HS1BP3: variants seen among roughly 807,000 people sequenced by gnomAD.
HS1BP3 encodes HCLS1-binding protein 3.
HS1BP3 carries 32 observed loss-of-function variants against 33.5 expected under a neutral mutation model. The observed-to-expected ratio is 0.95, with a 90% CI of 0.72 to 1.28. The LOEUF (loss-of-function observed/expected upper bound fraction) is 1.28. HS1BP3 is among the 50% of genes most tolerant of loss of function. The pLI is 0.00. For missense variants in HS1BP3, 486 were observed against 502.3 expected (o/e 0.97, Z 0.31); for synonymous variants, 187 against 209.2 (o/e 0.89, Z 0.92).
chr2:20,580,309 A>G (rs893792039), intron 5 of HS1BP3, among the ~76,000 whole-genome samples: 6 of 152,246 alleles, frequency 3.9e-5, no homozygotes, highest in African/African-American at 1.4e-4. Context: ...GCCTCAGCTC[A>G]GAAGTTCGAG....
chr2:20,618,058 C>T lies in HS1BP3; in HGVS notation c.*929G>A, dbSNP rs1694472684. On this transcript the variant is annotated 3_prime_UTR_variant, in exon 7 of 7. Transcript: ENST00000304031. ...GCAGAAGCCTGAGAGAATCATGCCC[C>T]ACTGGCAGTGGGAGGCGGTGCAGGC... The T allele has an allele frequency of 6.6e-6, 1 of 152,462 alleles. No individual in the cohort carries two copies. Among genetic ancestry groups the T allele is most frequent in the South Asian group, 2.1e-4 (1 of 4,836 alleles). The allele number at this position is 152,462 out of a possible 1,614,324, so 9.4% of individuals were successfully genotyped here.
chr2:20,557,805 C>A (rs553625715), downstream of HS1BP3, among the ~76,000 whole-genome samples: 158 of 152,302 alleles, frequency 1.0e-3, no homozygotes, highest in African/African-American at 3.7e-3. Flanking sequence ...GAATGCAGAA[C>A]CCTGCAGGGG....
chr2:20,622,615 C>G (rs1267182885), intron 6 of HS1BP3: 1 of 297,090 alleles, frequency 3.4e-6, no homozygotes, highest in Non-Finnish European at 6.8e-6. Context: ...CTGCAGAACA[C>G]AGGTTGGGAA....
intron 4 of HS1BP3, among the ~76,000 whole-genome samples, chr2:20,627,185 A>G (rs72782400): frequency 0.048 from 7,366 of 152,150 alleles, 194 homozygotes; most frequent in Middle Eastern, 0.085. Flanking sequence ...AAGGGTGGAG[A>G]GCCACCCCGG....
chr2:20,560,918 G>C (rs182551815), intron 5 of HS1BP3, among the ~76,000 whole-genome samples: 24 of 152,222 alleles, frequency 1.6e-4, no homozygotes, highest in African/African-American at 5.8e-4. Context: ...TGAGAAAGAA[G>C]AGGAAGGGAA....
At chr2:20,627,486 G>A (rs1002139922) in intron 4 of HS1BP3, among the ~76,000 whole-genome samples, 3 of 152,204 alleles carry the variant, frequency 2.0e-5, no homozygotes, top group African/African-American at 7.2e-5. Flanking sequence ...GAGAAGCCGT[G>A]GTGCCCCTTC....
intron 2 of HS1BP3, 88 bp from the exon 3 acceptor site, chr2:20,641,268 G>T: frequency 1.6e-6 from 2 of 1,228,052 alleles, no homozygotes; most frequent in South Asian, 1.3e-5. Context: ...CCAAGGCCCA[G>T]CAGCCAAAGG....
chr2:20,613,514 C>T (rs576986526), downstream of HS1BP3, among the ~76,000 whole-genome samples: 10 of 152,184 alleles, frequency 6.6e-5, no homozygotes, highest in Admixed American at 2.6e-4. Flanking sequence ...AAGGAAGGAA[C>T]GCCGCTGCCC....
chr2:20,594,646 G>A (rs973011159), intron 3 of HS1BP3, among the ~76,000 whole-genome samples: 1 of 152,206 alleles, frequency 6.6e-6, no homozygotes, highest in East Asian at 1.9e-4. Context: ...TCTGAGACTC[G>A]CTGGAAGTGA....
intron 5 of HS1BP3, among the ~76,000 whole-genome samples, chr2:20,584,858 C>T (rs762179434): frequency 6.6e-6 from 1 of 152,174 alleles, no homozygotes; most frequent in Non-Finnish European, 1.5e-5. Context: ...GTGGTGACCT[C>T]TGGAGTCGCT....
At position 20,623,906 on chromosome 2, in the gene HS1BP3, C is replaced by T; in HGVS notation, c.910G>A (p.Glu304Lys). The T allele has an allele frequency of 6.2e-7, 1 of 1,612,146 alleles. No individual in the cohort carries two copies. Among genetic ancestry groups the T allele is most frequent in the South Asian group, 1.1e-5 (1 of 90,922 alleles). ...GGGGACAGGTGGTACCTGAACAGTT[C>T]CTTGGAGGCGTCCCTGTGGCTGAGG... The part of the protein sequence containing the change: ...PSLSHRDASK[E>K]LFRVEEDLDQ... The change falls in exon 6 of 7, where the codon GAA becomes AAA. Residue 304 changes from glutamate to lysine, a missense_variant. Physicochemically the swap from Glu to Lys is moderately conservative, Grantham distance 56. Coordinates refer to ENST00000304031, the MANE Select transcript of HS1BP3 (RefSeq NM_022460.4).
intron 1 of HS1BP3, among the ~76,000 whole-genome samples, chr2:20,648,757 GCTGCCTGA>G (rs1173751142): frequency 2.0e-5 from 3 of 152,166 alleles, no homozygotes; most frequent in Non-Finnish European, 4.4e-5. Context: ...TCCAGCTGCA[GCTGCCTGA>G]CATCCCCACT....
At chr2:20,581,860 T>C (rs1693541498) in intron 5 of HS1BP3, among the ~76,000 whole-genome samples, 1 of 152,210 alleles carries the variant, frequency 6.6e-6, no homozygotes, top group Admixed American at 6.5e-5. Context: ...CTGCTAGTTG[T>C]AGGCCAATTT....
chr2:20,599,817 C>T (rs898313931), intron 2 of HS1BP3, among the ~76,000 whole-genome samples: 2 of 152,154 alleles, frequency 1.3e-5, no homozygotes, highest in African/African-American at 4.8e-5. Context: ...GCTCCTGTGC[C>T]TCAGTTTCCC....
chr2:20,621,907 G>A (rs1046572473), intron 6 of HS1BP3, among the ~76,000 whole-genome samples: 2 of 152,208 alleles, frequency 1.3e-5, no homozygotes, highest in Non-Finnish European at 2.9e-5. Flanking sequence ...ACTAGCGCAA[G>A]GTCCAGCTCT....
At chr2:20,563,353 C>G (rs915715005) in intron 5 of HS1BP3, among the ~76,000 whole-genome samples, 2 of 152,240 alleles carry the variant, frequency 1.3e-5, no homozygotes, top group African/African-American at 4.8e-5. Flanking sequence ...GGCCACTGCA[C>G]AGTGTTGCCT....
At chr2:20,581,419 G>A (rs563865829) in intron 5 of HS1BP3, among the ~76,000 whole-genome samples, 12 of 152,212 alleles carry the variant, frequency 7.9e-5, no homozygotes, top group Admixed American at 6.5e-4. Flanking sequence ...GTGTGATCTT[G>A]GTTCACTGCA....
At chr2:20,610,018 G>A (rs1694286013) in intron 2 of HS1BP3, among the ~76,000 whole-genome samples, 1 of 152,178 alleles carries the variant, frequency 6.6e-6, no homozygotes, top group African/African-American at 2.4e-5. Context: ...TACTTCATGA[G>A]CTTCCTCCCT....
intron 2 of HS1BP3, among the ~76,000 whole-genome samples, chr2:20,610,257 C>G (rs1694292212): frequency 6.6e-6 from 1 of 152,158 alleles, no homozygotes; most frequent in Non-Finnish European, 1.5e-5. Context: ...AGGGTTCACT[C>G]TTGGTGCGGT....
Sources: gnomAD v4.1 joint callset for allele counts (sites outside exome capture counted in the v4.1 genomes callset) on GRCh38, gnomAD v4.1.1 for gene constraint, MANE v1.5 for transcripts, NCBI Gene and HGNC (gene_info 2026-07-23, HGNC 2026-07-21) for gene names.